The following PGM5 variants were observed in gnomAD, a reference collection of about 807,000 sequenced individuals.
The protein encoded by PGM5 is phosphoglucomutase 5.
Under a neutral mutation model 59.2 loss-of-function variants are expected in PGM5, and 23 were observed. The ratio of observed to expected loss-of-function variants is 0.39; its 90% CI spans 0.28 to 0.55. PGM5 has a LOEUF of 0.55. Ranked by LOEUF, PGM5 falls within the 20% of genes least tolerant of loss-of-function variation. The pLI, the probability that PGM5 is intolerant of heterozygous loss-of-function variation, is 0.66. For missense variants in PGM5, 574 were observed against 748.3 expected, an observed-to-expected ratio of 0.77 and a Z score of 2.72; for synonymous variants, 214 against 286.0, an observed-to-expected ratio of 0.75 and a Z score of 2.54.
chr9:68,434,454 A>G (rs1823412515), intron 6 of PGM5, among the ~76,000 whole-genome samples: 1 of 152,142 alleles, frequency 6.6e-6, no homozygotes, highest in Non-Finnish European at 1.5e-5. Flanking sequence ...ACTCTGCAAA[A>G]TATTATTTGT....
At chr9:68,432,827 G>A (rs375358992) in intron 6 of PGM5, among the ~76,000 whole-genome samples, 1 of 152,006 alleles carries the variant, frequency 6.6e-6, no homozygotes, top group East Asian at 1.9e-4. Flanking sequence ...GGCTGGTATC[G>A]AACTCCTGAC....
Position 68,479,478 on chromosome 9 carries a change from T to C in PGM5, c.1220T>C (p.Ile407Thr). The change falls in exon 8 of 11, where the codon ATT becomes ACT. Residue 407 changes from isoleucine (I) to threonine (T), a missense_variant. This residue lies in a region of PGM5 where 300 missense variants were observed against 280.0 expected (regional missense o/e 1.07). Coordinates refer to ENST00000396396, the MANE Select transcript of PGM5 (RefSeq NM_021965.4). ...GCTGTCTTGGTCTGGCTCTCCATTATTGCTGCCCGGAAGCAGAGTGTGGAG... is the reference window on the plus strand; with the variant it reads ...GCTGTCTTGGTCTGGCTCTCCATTACTGCTGCCCGGAAGCAGAGTGTGGAG... ...LWAVLVWLSI[I>T]AARKQSVEEI... 1 of 1,614,028 alleles carries C rather than the reference T, an allele frequency of 6.2e-7. No homozygotes were observed. The highest frequency in any genetic ancestry group is 8.5e-7 in the Non-Finnish European group (1 of 1,180,006).
At chr9:68,441,936 T>G (rs754301762) in intron 6 of PGM5, among the ~76,000 whole-genome samples, 2 of 152,174 alleles carry the variant, frequency 1.3e-5, no homozygotes, top group Non-Finnish European at 2.9e-5. Context: ...AGTGTTCAAT[T>G]GGAAACTGAA....
chr9:68,520,775 C>G (rs1163796909), intron 10 of PGM5, among the ~76,000 whole-genome samples: 2 of 152,152 alleles, frequency 1.3e-5, no homozygotes, highest in East Asian at 3.8e-4. Context: ...TGGACGTAGG[C>G]TATATGTGCT....
intron 6 of PGM5, among the ~76,000 whole-genome samples, chr9:68,409,083 T>C (rs1260450760): frequency 6.6e-6 from 1 of 152,098 alleles, no homozygotes; most frequent in East Asian, 1.9e-4. Flanking sequence ...CCATATGAAC[T>C]TTAAAGTAGA....
At chr9:68,404,562 A>G (rs575081126) in intron 6 of PGM5, among the ~76,000 whole-genome samples, 2 of 152,324 alleles carry the variant, frequency 1.3e-5, no homozygotes, top group East Asian at 3.9e-4. Context: ...AAAAAATGAA[A>G]ACAAATCTTG....
intron 7 of PGM5, chr9:68,466,539 T>C (rs1007037324): frequency 6.0e-6 from 1 of 167,622 alleles, no homozygotes; most frequent in Non-Finnish European, 1.3e-5. Flanking sequence ...CTGAATAATA[T>C]GTGGATAAGA....
intron 3 of PGM5, among the ~76,000 whole-genome samples, chr9:68,385,777 G>A (rs1161221587): frequency 2.6e-5 from 4 of 152,184 alleles, no homozygotes; most frequent in African/African-American, 4.8e-5. Flanking sequence ...CCGAATCTTC[G>A]TGGGCTCTCA....
rs1488097345 is a variant in PGM5 at position 68,465,169 on chromosome 9, G to A, written c.1120G>A (p.Gly374Arg). The change falls in exon 7 of 11, where the codon GGA becomes AGA. Residue 374 changes from glycine (G) to arginine (R), a missense_variant. Coordinates refer to ENST00000396396, the MANE Select transcript of PGM5 (RefSeq NM_021965.4). ...ATTCTTCTCAAATCTGATGGACTCA[G>A]GACGTTGCAATCTGTGTGGGGAAGA... ...WRFFSNLMDS[G>R]RCNLCGEESF... The A allele has an allele frequency of 1.9e-6, 3 of 1,613,342 alleles. No homozygotes were observed. The East Asian group carries it at 6.7e-5, about 36-fold the overall frequency.
chr9:68,415,331 C>A (rs1258858886), intron 6 of PGM5, among the ~76,000 whole-genome samples: 1 of 149,610 alleles, frequency 6.7e-6, no homozygotes, highest in Non-Finnish European at 1.5e-5. Context: ...TTCTGAGAGG[C>A]AGTGAGCAGG....
At chr9:68,489,598 G>A (rs1476936415) in intron 9 of PGM5, among the ~76,000 whole-genome samples, 1 of 151,640 alleles carries the variant, frequency 6.6e-6, no homozygotes, top group Non-Finnish European at 1.5e-5. Flanking sequence ...CTGAGTAGCT[G>A]GGGCTACAGG....
intron 6 of PGM5, among the ~76,000 whole-genome samples, chr9:68,404,751 G>T (rs1340216861): frequency 6.6e-6 from 1 of 152,170 alleles, no homozygotes; most frequent in African/African-American, 2.4e-5. Flanking sequence ...AAAACTCCTT[G>T]TAAGTTGATG....
At chr9:68,439,692 CATAT>C (rs369854214) in intron 6 of PGM5, among the ~76,000 whole-genome samples, 9 of 146,276 alleles carry the variant, frequency 6.2e-5, no homozygotes, top group African/African-American at 1.5e-4. Context: ...CACATGCACA[CATAT>C]ATATATATAT....
intron 9 of PGM5, 89 bp downstream of exon 9, chr9:68,484,137 T>A: frequency 9.2e-7 from 1 of 1,092,510 alleles, no homozygotes; most frequent in Non-Finnish European, 1.4e-6. Context: ...AGGGATGATC[T>A]AAGGTGACCT....
At chr9:68,466,035 C>T in intron 7 of PGM5, 7 of 646,696 alleles carry the variant, frequency 1.1e-5, no homozygotes, top group African/African-American at 1.9e-5. Context: ...TTTCTCCTTC[C>T]CCATTCTTTG....
At position 68,406,722 on chromosome 9, in the gene PGM5, A is replaced by ATATG. The variant is rs1563996791; in HGVS notation, c.1043+14253_1043+14256dup. Among the ~76,000 whole-genome samples, 47 of 88,466 alleles carry ATATG rather than the reference A, an allele frequency of 5.3e-4. 7 individuals are homozygous for ATATG. Among genetic ancestry groups the ATATG allele is most frequent in the Non-Finnish European group, 7.8e-4 (36 of 46,248 alleles). The allele number at this position is 88,466 out of a possible 152,430, so 58.0% of individuals were successfully genotyped here. On this transcript the variant is annotated intron_variant, in intron 6 of 10. Transcript: ENST00000396396. The stretch of plus-strand genomic sequence containing the variant: ...TATATATATATATATATATATATAT[A>ATATG]TATGTATATAGTGCTTACAGCAGTG...
intron 6 of PGM5, among the ~76,000 whole-genome samples, chr9:68,429,553 A>T (rs545526678): frequency 6.6e-6 from 1 of 152,322 alleles, no homozygotes; most frequent in Admixed American, 6.5e-5. Context: ...CCTTCAAAAG[A>T]CAGAAACTCC....
chr9:68,514,848 T>C (rs932546361), intron 10 of PGM5, among the ~76,000 whole-genome samples: 4 of 152,162 alleles, frequency 2.6e-5, no homozygotes, highest in Admixed American at 2.6e-4. Flanking sequence ...CCCAGACAAA[T>C]GTGCCAAGAT....
At chr9:68,388,028 C>T (rs184877103) in intron 4 of PGM5, among the ~76,000 whole-genome samples, 30 of 149,974 alleles carry the variant, frequency 2.0e-4, no homozygotes, top group Admixed American at 1.9e-3. Context: ...AATATACAGA[C>T]CCTTGTTGGT....
Sources: allele counts gnomAD v4.1 joint callset (sites outside exome capture counted in the v4.1 genomes callset), GRCh38; gene constraint gnomAD v4.1.1; regional missense constraint gnomAD v4.1.1; transcripts MANE v1.5; gene names NCBI Gene and HGNC (gene_info 2026-07-23, HGNC 2026-07-21).